The following SLC1A2 variants were observed in gnomAD, a reference collection of about 807,000 sequenced individuals.
The protein encoded by SLC1A2 is solute carrier family 1 member 2.
A neutral mutation model predicts 48.8 loss-of-function variants in SLC1A2; 15 were observed. That is an observed-to-expected ratio of 0.31 (90% CI 0.21 to 0.47). The LOEUF is 0.47. SLC1A2 is among the 20% of genes least tolerant of loss of function. The probability of loss-of-function intolerance (pLI) is 0.99; values close to 1 mark genes in which losing one functional copy is unlikely to be tolerated. For synonymous variants in SLC1A2, 279 were observed against 272.6 expected (o/e 1.02, Z -0.23); for missense variants, 502 against 730.5 (o/e 0.69, Z 3.61).
At chr11:35,274,822 A>G (rs1343155423) in intron 9 of SLC1A2, among the ~76,000 whole-genome samples, 2 of 152,262 alleles carry the variant, frequency 1.3e-5, no homozygotes, top group Non-Finnish European at 2.9e-5. Flanking sequence ...TGCTTAGAAC[A>G]ATATCTAACA....
At chr11:35,331,609 GC>G (rs1405525061) in intron 1 of SLC1A2, among the ~76,000 whole-genome samples, 1 of 152,194 alleles carries the variant, frequency 6.6e-6, no homozygotes, top group East Asian at 1.9e-4. Context: ...GGTTCACAGG[GC>G]TTTGTGCTGA....
At chr11:35,345,061 T>TA (rs11406743) in intron 1 of SLC1A2, among the ~76,000 whole-genome samples, 87,477 of 150,878 alleles carry the variant, frequency 0.58, 25,798 homozygotes, top group East Asian at 0.7. Context: ...GCCCCAAGAG[T>TA]AAAAAAAAAT....
At position 35,251,600 on chromosome 11, in the gene SLC1A2, C is replaced by T. The variant is rs1010314762; in HGVS notation, c.*9294G>A. On this transcript the variant is annotated 3_prime_UTR_variant, in exon 11 of 11. Coordinates refer to ENST00000278379, the MANE Select transcript of SLC1A2 (RefSeq NM_004171.4). ...AGTTTTATCTTTTGTTCTGGACATACAAGAATTTTCAAAGAGAATCCTGCA... is the reference window on the plus strand; with the variant it reads ...AGTTTTATCTTTTGTTCTGGACATATAAGAATTTTCAAAGAGAATCCTGCA... The T allele has an allele frequency of 3.9e-5, 6 of 152,350 alleles. No individual in the cohort carries two copies. The highest frequency in any genetic ancestry group is 1.4e-4 in the African/African-American group (6 of 41,434). The allele number at this position is 152,350 out of a possible 1,614,324, so 9.4% of individuals were successfully genotyped here.
intron 1 of SLC1A2, among the ~76,000 whole-genome samples, chr11:35,379,260 C>T (rs2135196457): frequency 6.6e-6 from 1 of 152,270 alleles, no homozygotes; most frequent in Non-Finnish European, 1.5e-5. Context: ...ACACAGAGGG[C>T]AGTGCCCGGC....
At chr11:35,345,040 G>A (rs746468068) in intron 1 of SLC1A2, among the ~76,000 whole-genome samples, 1 of 148,844 alleles carries the variant, frequency 6.7e-6, no homozygotes, top group Admixed American at 6.9e-5. Flanking sequence ...TCTCTAAGTG[G>A]AGTTTTGAAT....
intron 6 of SLC1A2, among the ~76,000 whole-genome samples, chr11:35,296,989 A>G (rs1395566762): frequency 2.0e-5 from 3 of 152,088 alleles, no homozygotes; most frequent in Non-Finnish European, 4.4e-5. Context: ...TTATCTCACC[A>G]GTACCTAAAA....
chr11:35,341,872 T>C (rs566857588), intron 1 of SLC1A2, among the ~76,000 whole-genome samples: 2 of 152,326 alleles, frequency 1.3e-5, no homozygotes, highest in African/African-American at 4.8e-5. Context: ...ATGTCATCAA[T>C]AGAGGAGTGC....
In SLC1A2 at chr11:35,332,411, G is replaced by A. The variant is rs190224819; in HGVS notation, c.18-14895C>T. On this transcript the variant is annotated intron_variant, in intron 1 of 10. Transcript: ENST00000278379. ...AAATTTATGCTGAGGATAGTTTCTC[G>A]CCGAGTGACTTATCAGGTTGACTCT... Among the ~76,000 whole-genome samples, 36 of 152,174 alleles carry A rather than the reference G, an allele frequency of 2.4e-4. 1 individual carries two copies. Among genetic ancestry groups the A allele is most frequent in the African/African-American group, 6.8e-4 (28 of 41,438 alleles).
chr11:35,318,206 G>A (rs1851945802), intron 1 of SLC1A2, among the ~76,000 whole-genome samples: 1 of 152,216 alleles, frequency 6.6e-6, no homozygotes, highest in African/African-American at 2.4e-5. Flanking sequence ...AGCTATGGCT[G>A]CAGCCAAGCC....
At chr11:35,326,035 C>CA (rs1032175139) in intron 1 of SLC1A2, among the ~76,000 whole-genome samples, 13 of 151,160 alleles carry the variant, frequency 8.6e-5, no homozygotes, top group Non-Finnish European at 1.9e-4. Context: ...AAACGGGCAG[C>CA]ATCACAGCAG....
At chr11:35,376,649 T>C (rs779434215) in intron 1 of SLC1A2, among the ~76,000 whole-genome samples, 16 of 152,222 alleles carry the variant, frequency 1.1e-4, no homozygotes, top group Non-Finnish European at 1.6e-4. Flanking sequence ...CTGTTTCCAC[T>C]TATGTATGTG....
intron 1 of SLC1A2, among the ~76,000 whole-genome samples, chr11:35,324,101 A>G (rs1468596298): frequency 6.6e-6 from 1 of 152,266 alleles, no homozygotes; most frequent in Non-Finnish European, 1.5e-5. Flanking sequence ...TCGAAGGAGA[A>G]GAGCCTTTTT....
chr11:35,380,368 T>C, intron 1 of SLC1A2: 1 of 398,650 alleles, frequency 2.5e-6, no homozygotes, highest in Non-Finnish European at 4.4e-6. Context: ...CCCTGGTCAT[T>C]GTGAGCACTA....
intron 1 of SLC1A2, among the ~76,000 whole-genome samples, chr11:35,346,280 C>G (rs541231031): frequency 6.6e-6 from 1 of 152,292 alleles, no homozygotes; most frequent in South Asian, 2.1e-4. Flanking sequence ...CCACCTCCTG[C>G]TGTTCTGGGG....
rs1055890413 is a variant in SLC1A2 at position 35,320,028 on chromosome 11, C to T, written c.18-2512G>A. Among the ~76,000 whole-genome samples the T allele has an allele frequency of 3.9e-5, 6 of 152,314 alleles. No individual in the cohort carries two copies. The South Asian group carries it at 8.3e-4, about 21-fold the overall frequency. On this transcript the variant is annotated intron_variant, in intron 1 of 10. Coordinates refer to ENST00000278379, the MANE Select transcript of SLC1A2 (RefSeq NM_004171.4). ...ATTCTGACTAATCTAAAAATTCCAA[C>T]TATTCTAATTAGTCTAACTAATCAC...
intron 1 of SLC1A2, among the ~76,000 whole-genome samples, chr11:35,397,656 G>A (rs115504301): frequency 0.025 from 3,815 of 152,232 alleles, 140 homozygotes; most frequent in African/African-American, 0.085. Flanking sequence ...TTGGAGGTGA[G>A]TTTTTGGGAG....
At chr11:35,312,590 A>G in intron 3 of SLC1A2, 142 bp from the exon 4 acceptor site, 1 of 1,007,182 alleles carries the variant, frequency 9.9e-7, no homozygotes, top group Non-Finnish European at 1.4e-6. Flanking sequence ...TTCCCTCAAT[A>G]TCCATGAGAG....
At chr11:35,351,966 A>T (rs1853275590) in intron 1 of SLC1A2, among the ~76,000 whole-genome samples, 1 of 152,222 alleles carries the variant, frequency 6.6e-6, no homozygotes, top group South Asian at 2.1e-4. Context: ...TGTACATTGC[A>T]TCGAGAAAAA....
chr11:35,386,963 T>C (rs1432072748), intron 1 of SLC1A2, among the ~76,000 whole-genome samples: 1 of 152,008 alleles, frequency 6.6e-6, no homozygotes, highest in African/African-American at 2.4e-5. Flanking sequence ...AGAGATGGAG[T>C]CTTGCTATGT....
Sources: gnomAD v4.1 joint callset for allele counts (sites outside exome capture counted in the v4.1 genomes callset) on GRCh38, gnomAD v4.1.1 for gene constraint, MANE v1.5 for transcripts, NCBI Gene and HGNC (gene_info 2026-07-23, HGNC 2026-07-21) for gene names.